GHR: variants seen among roughly 807,000 people sequenced by gnomAD.
The protein encoded by GHR is GH receptor.
Under a neutral mutation model 67.1 loss-of-function variants are expected in GHR, and 35 were observed. The observed-to-expected ratio is 0.52, with a 90% CI of 0.40 to 0.69. The LOEUF (loss-of-function observed/expected upper bound fraction) is 0.69. Ranked by LOEUF, GHR falls within the 30% of genes least tolerant of loss-of-function variation. The pLI, the probability that GHR is intolerant of heterozygous loss-of-function variation, is 0.00. For synonymous variants in GHR, 272 were observed against 269.1 expected (o/e 1.01, Z -0.10); for missense variants, 792 against 764.6 (o/e 1.04, Z -0.42).
chr5:42,697,159 G>A (rs1340236502), intron 5 of GHR, among the ~76,000 whole-genome samples: 1 of 152,202 alleles, frequency 6.6e-6, no homozygotes, highest in Non-Finnish European at 1.5e-5. Flanking sequence ...TCTTGAGAAA[G>A]TTGTCAATCA....
intron 1 of GHR, among the ~76,000 whole-genome samples, chr5:42,464,002 A>C (rs1207857315): frequency 6.9e-6 from 1 of 145,792 alleles, no homozygotes. Context: ...CAAAAAAAAA[A>C]AAAAAAAAAA....
intron 1 of GHR, among the ~76,000 whole-genome samples, chr5:42,436,158 G>C (rs1743313952): frequency 6.6e-6 from 1 of 152,176 alleles, no homozygotes; most frequent in Admixed American, 6.5e-5. Flanking sequence ...CCTGATAACT[G>C]TAAGGCACAT....
chr5:42,672,860 T>G (rs1309720706), intron 3 of GHR, among the ~76,000 whole-genome samples: 1 of 152,088 alleles, frequency 6.6e-6, no homozygotes, highest in Admixed American at 6.6e-5. Context: ...ACATCAGCCT[T>G]GGAAAAGAAT....
At chr5:42,703,689 C>G (rs970027723) in intron 6 of GHR, among the ~76,000 whole-genome samples, 1 of 151,890 alleles carries the variant, frequency 6.6e-6, no homozygotes, top group Non-Finnish European at 1.5e-5. Context: ...TGAACATGGG[C>G]TATCTGTTCA....
chr5:42,515,671 G>A lies in GHR; in HGVS notation c.-11-50193G>A, dbSNP rs563043570. On this transcript the variant is annotated intron_variant, in intron 1 of 9. Coordinates refer to ENST00000230882, the MANE Select transcript of GHR (RefSeq NM_000163.5). Reference sequence around the variant, plus strand: ...TTAACACTGGGTGGATATAAAAGCAGAAAGCCAAGGACTTTGCACTGTTCT... The same window carrying A: ...TTAACACTGGGTGGATATAAAAGCAAAAAGCCAAGGACTTTGCACTGTTCT... Among the ~76,000 whole-genome samples the A allele has an allele frequency of 8.9e-4, 135 of 152,352 alleles. 4 individuals are homozygous for A. In the Middle Eastern group the frequency reaches 0.024, roughly 27 times the overall value.
At chr5:42,496,580 A>G (rs181203889) in intron 1 of GHR, among the ~76,000 whole-genome samples, 182 of 152,248 alleles carry the variant, frequency 1.2e-3, no homozygotes, top group African/African-American at 4.2e-3. Context: ...TATGACGTTT[A>G]TAAGTGTCAG....
intron 2 of GHR, among the ~76,000 whole-genome samples, chr5:42,615,255 G>A (rs1043652761): frequency 1.1e-4 from 16 of 150,930 alleles, no homozygotes; most frequent in African/African-American, 3.9e-4. Context: ...TTTTTTTCTA[G>A]CTTTACCAGC....
intron 2 of GHR, among the ~76,000 whole-genome samples, chr5:42,609,794 T>G (rs923976172): frequency 1.3e-5 from 2 of 152,222 alleles, no homozygotes; most frequent in Non-Finnish European, 2.9e-5. Flanking sequence ...AGATATCCTT[T>G]GAAATCTCAA....
At chr5:42,639,958 G>A (rs1215034730) in intron 3 of GHR, among the ~76,000 whole-genome samples, 2 of 152,176 alleles carry the variant, frequency 1.3e-5, no homozygotes, top group African/African-American at 2.4e-5. Flanking sequence ...GGGAAGTGTG[G>A]AGGGAGAGGT....
intron 4 of GHR, 65 bp downstream of exon 4, chr5:42,689,084 A>AGTGTACTTTGTACTGTGG (rs1404496007): frequency 7.6e-7 from 1 of 1,316,030 alleles, no homozygotes; most frequent in Non-Finnish European, 1.1e-6. Context: ...ACACTGAGTC[A>AGTGTACTTTGTACTGTGG]GATGTACTGT....
chr5:42,501,775 AGT>A (rs753729069), intron 1 of GHR, among the ~76,000 whole-genome samples: 1 of 152,180 alleles, frequency 6.6e-6, no homozygotes, highest in Non-Finnish European at 1.5e-5. Flanking sequence ...TAAACACAAA[AGT>A]GTTTTTCCTC....
At chr5:42,456,923 G>A (rs1299507953) in intron 1 of GHR, among the ~76,000 whole-genome samples, 2 of 152,290 alleles carry the variant, frequency 1.3e-5, no homozygotes, top group East Asian at 3.9e-4. Flanking sequence ...TAAGAGGGAG[G>A]GAGGCGGAAG....
intron 1 of GHR, among the ~76,000 whole-genome samples, chr5:42,530,688 A>G (rs1381347162): frequency 6.6e-6 from 1 of 152,126 alleles, no homozygotes; most frequent in East Asian, 1.9e-4. Context: ...TGAACCTCTT[A>G]TTAACATTCA....
chr5:42,617,743 A>G (rs1345932689), intron 2 of GHR, among the ~76,000 whole-genome samples: 1 of 152,168 alleles, frequency 6.6e-6, no homozygotes, highest in Admixed American at 6.5e-5. Flanking sequence ...CACACTGTGC[A>G]AGACATCTAT....
At chr5:42,550,195 C>G in intron 1 of GHR, 1 of 429,966 alleles carries the variant, frequency 2.3e-6, no homozygotes, top group Non-Finnish European at 3.1e-6. Flanking sequence ...ACTGAAAAAG[C>G]CCATTGGACT....
intron 1 of GHR, among the ~76,000 whole-genome samples, chr5:42,493,807 G>A (rs1318797016): frequency 6.6e-6 from 1 of 152,238 alleles, no homozygotes; most frequent in Non-Finnish European, 1.5e-5. Context: ...AATGCAAACA[G>A]GGCAGATAAG....
intron 1 of GHR, among the ~76,000 whole-genome samples, chr5:42,487,184 T>C (rs1279499720): frequency 6.6e-6 from 1 of 152,250 alleles, no homozygotes; most frequent in East Asian, 1.9e-4. Flanking sequence ...CTTTGTTATG[T>C]AAGGATACTT....
chr5:42,492,609 A>G (rs1370899833), intron 1 of GHR, among the ~76,000 whole-genome samples: 1 of 152,228 alleles, frequency 6.6e-6, no homozygotes, highest in Non-Finnish European at 1.5e-5. Flanking sequence ...TTTAAAAGTA[A>G]TTAACTAGTG....
chr5:42,489,149 C>A (rs1020227920), intron 1 of GHR, among the ~76,000 whole-genome samples: 1 of 152,124 alleles, frequency 6.6e-6, no homozygotes, highest in African/African-American at 2.4e-5. Context: ...CTCTGCCTTA[C>A]CCTCTCTTTT....
Sources: gnomAD v4.1 joint callset for allele counts (sites outside exome capture counted in the v4.1 genomes callset) on GRCh38, gnomAD v4.1.1 for gene constraint, MANE v1.5 for transcripts, NCBI Gene and HGNC (gene_info 2026-07-23, HGNC 2026-07-21) for gene names.